The following TMEM132D variants were observed in gnomAD, a reference collection of about 807,000 sequenced individuals.
The protein encoded by TMEM132D is transmembrane protein 132D.
In TMEM132D, 21 loss-of-function variants were observed where a neutral mutation model predicts 62.3. That is an observed-to-expected ratio of 0.34 (90% CI 0.24 to 0.49). The LOEUF (loss-of-function observed/expected upper bound fraction) is 0.49, where lower values mean the gene tolerates loss of function less well. Among genes scored for constraint, TMEM132D ranks in the 20% least tolerant of loss-of-function variants. TMEM132D has a pLI of 0.99. For synonymous variants in TMEM132D, 621 were observed against 575.6 expected (o/e 1.08, Z -1.13); for missense variants, 1,346 against 1,402.8 (o/e 0.96, Z 0.65).
rs1593283740 is a variant in TMEM132D, at chr12:129,169,095, A to G, written c.1443+40425T>C. Reference sequence around the variant, plus strand: ...AAGCCGTCTTTAAACTTCAACCCACAACCAAACCATCCAAAGAGCTTGTTA... The same window carrying G: ...AAGCCGTCTTTAAACTTCAACCCACGACCAAACCATCCAAAGAGCTTGTTA... On this transcript the variant is annotated intron_variant, in intron 5 of 8. Coordinates refer to ENST00000422113, the MANE Select transcript of TMEM132D (RefSeq NM_133448.3). 2.0e-5 allele frequency among the ~76,000 whole-genome samples: 3 copies of G among 152,142 alleles called. No individual in the cohort carries two copies. The East Asian group carries it at 5.8e-4, about 29-fold the overall frequency.
At chr12:129,137,258 AT>A (rs1298748453) in intron 5 of TMEM132D, among the ~76,000 whole-genome samples, 13 of 152,180 alleles carry the variant, frequency 8.5e-5, no homozygotes, top group Admixed American at 2.6e-4. Flanking sequence ...TATCACCACC[AT>A]CAACATCACT....
intron 5 of TMEM132D, among the ~76,000 whole-genome samples, chr12:129,204,527 T>C (rs1878790536): frequency 6.6e-6 from 1 of 152,198 alleles, no homozygotes; most frequent in Middle Eastern, 3.2e-3. Flanking sequence ...TATGGGATTA[T>C]GTAAAGGGAC....
chr12:129,107,440 G>A (rs758835352), intron 5 of TMEM132D, among the ~76,000 whole-genome samples: 7 of 152,280 alleles, frequency 4.6e-5, no homozygotes, highest in Middle Eastern at 3.4e-3. Flanking sequence ...GCATGACCAC[G>A]TGAGAAAACA....
At chr12:129,791,546 C>T (rs923246100) in intron 1 of TMEM132D, among the ~76,000 whole-genome samples, 7 of 152,076 alleles carry the variant, frequency 4.6e-5, no homozygotes, top group Non-Finnish European at 8.8e-5. Context: ...AAGCTGTCAT[C>T]GCCTTGAATT....
chr12:129,674,042 G>C (rs2137202102), intron 2 of TMEM132D, among the ~76,000 whole-genome samples: 1 of 152,272 alleles, frequency 6.6e-6, no homozygotes, highest in African/African-American at 2.4e-5. Context: ...TGAAATCAGT[G>C]CCTCCCAGCA....
chr12:129,152,328 C>A (rs902213740), intron 5 of TMEM132D, among the ~76,000 whole-genome samples: 1 of 152,202 alleles, frequency 6.6e-6, no homozygotes, highest in Non-Finnish European at 1.5e-5. Context: ...ATTCTCCCAG[C>A]CTGGGTTTTA....
intron 4 of TMEM132D, among the ~76,000 whole-genome samples, chr12:129,305,594 C>A (rs112562583): frequency 0.013 from 1,978 of 152,254 alleles, 47 homozygotes; most frequent in African/African-American, 0.046. Context: ...ATATGCCCAG[C>A]AACAAATAGC....
At chr12:129,698,384 T>C (rs893895752) in intron 2 of TMEM132D, among the ~76,000 whole-genome samples, 3 of 151,322 alleles carry the variant, frequency 2.0e-5, no homozygotes, top group African/African-American at 7.3e-5. Context: ...TGCATGTCCA[T>C]TAGGTTCTGT....
chr12:129,687,832 T>G (rs1457899431), intron 2 of TMEM132D, among the ~76,000 whole-genome samples: 1 of 151,906 alleles, frequency 6.6e-6, no homozygotes, highest in East Asian at 1.9e-4. Context: ...TTGGCCAGAG[T>G]GAATTTCTAT....
At chr12:129,728,193 A>C (rs1260271814) in intron 1 of TMEM132D, among the ~76,000 whole-genome samples, 1 of 152,258 alleles carries the variant, frequency 6.6e-6, no homozygotes, top group Non-Finnish European at 1.5e-5. Flanking sequence ...GACACTGAAT[A>C]TAAAGAATGC....
intron 1 of TMEM132D, among the ~76,000 whole-genome samples, chr12:129,885,408 G>T (rs1874720295): frequency 6.6e-6 from 1 of 152,186 alleles, no homozygotes; most frequent in Non-Finnish European, 1.5e-5. Context: ...CTGCTCCAGG[G>T]TTCTCAACCT....
At chr12:129,171,069 A>G (rs1212172099) in intron 5 of TMEM132D, among the ~76,000 whole-genome samples, 1 of 152,208 alleles carries the variant, frequency 6.6e-6, no homozygotes, top group African/African-American at 2.4e-5. Context: ...CCCACAGCAG[A>G]ACTTCTTTCA....
At chr12:129,405,452 T>C (rs11060323) in intron 3 of TMEM132D, among the ~76,000 whole-genome samples, 8,839 of 152,122 alleles carry the variant, frequency 0.058, 387 homozygotes, top group Admixed American at 0.1. Flanking sequence ...CCCATAACTA[T>C]TAGGGATTGA....
intron 1 of TMEM132D, among the ~76,000 whole-genome samples, chr12:129,864,717 G>C (rs955638055): frequency 6.6e-6 from 1 of 152,076 alleles, no homozygotes; most frequent in Non-Finnish European, 1.5e-5. Context: ...TACTTGTTTG[G>C]GCCAATAAAT....
At chr12:129,557,068 C>G (rs1311437975) in intron 2 of TMEM132D, among the ~76,000 whole-genome samples, 1 of 152,150 alleles carries the variant, frequency 6.6e-6, no homozygotes, top group Non-Finnish European at 1.5e-5. Context: ...TGATTTGATA[C>G]CCACCATTAT....
At chr12:129,603,334 G>T (rs957220279) in intron 2 of TMEM132D, among the ~76,000 whole-genome samples, 1 of 152,140 alleles carries the variant, frequency 6.6e-6, no homozygotes, top group African/African-American at 2.4e-5. Flanking sequence ...GGAAACCACT[G>T]ACATTTCTAC....
At chr12:129,811,244 A>G (rs897139431) in intron 1 of TMEM132D, among the ~76,000 whole-genome samples, 1 of 151,460 alleles carries the variant, frequency 6.6e-6, no homozygotes, top group Admixed American at 6.6e-5. Context: ...TCCTAAGGCA[A>G]TCTGTATGCC....
At chr12:129,554,434 G>A (rs546052836) in intron 2 of TMEM132D, among the ~76,000 whole-genome samples, 4 of 152,234 alleles carry the variant, frequency 2.6e-5, no homozygotes, top group South Asian at 2.1e-4. Flanking sequence ...AGAGAGAAGC[G>A]TGCAGCAGAG....
chr12:129,651,275 GC>G (rs1447041219), intron 2 of TMEM132D, among the ~76,000 whole-genome samples: 2 of 152,154 alleles, frequency 1.3e-5, no homozygotes. Flanking sequence ...TTTTAACTGA[GC>G]ATATTCTTTT....
Sources: gnomAD v4.1 joint callset for allele counts (sites outside exome capture counted in the v4.1 genomes callset) on GRCh38, gnomAD v4.1.1 for gene constraint, MANE v1.5 for transcripts, NCBI Gene and HGNC (gene_info 2026-07-23, HGNC 2026-07-21) for gene names.